CNTN5: variants seen among roughly 807,000 people sequenced by gnomAD.
CNTN5 encodes contactin-5.
In CNTN5, 77 loss-of-function variants were observed where a neutral mutation model predicts 129.1. That is an observed-to-expected ratio of 0.60 (90% CI 0.50 to 0.72). The LOEUF is 0.72. CNTN5 is among the 30% of genes least tolerant of loss of function. The probability of loss-of-function intolerance (pLI) is 0.00; values close to 1 mark genes in which losing one functional copy is unlikely to be tolerated. For missense variants in CNTN5, 1,478 were observed against 1,328.8 expected (o/e 1.11, Z -1.75); for synonymous variants, 509 against 465.6 (o/e 1.09, Z -1.20).
chr11:99,858,161 A>T (rs1948098295), intron 6 of CNTN5, among the ~76,000 whole-genome samples: 1 of 152,246 alleles, frequency 6.6e-6, no homozygotes, highest in Middle Eastern at 3.4e-3. Flanking sequence ...GAATTTAGAG[A>T]ATTGTCTTTC....
intron 9 of CNTN5, among the ~76,000 whole-genome samples, chr11:100,053,874 G>GATTAAAA (rs1362953214): frequency 2.6e-5 from 4 of 151,696 alleles, no homozygotes; most frequent in Admixed American, 1.3e-4. Context: ...ACTCCTCGGC[G>GATTAAAA]ATTAAAAGGA....
chr11:99,093,250 G>A (rs1591178807), intron 1 of CNTN5, among the ~76,000 whole-genome samples: 1 of 152,094 alleles, frequency 6.6e-6, no homozygotes, highest in South Asian at 2.1e-4. Context: ...GTTTAATTTA[G>A]TTGTAATAGA....
chr11:99,421,721 G>C (rs1565568416), intron 2 of CNTN5, among the ~76,000 whole-genome samples: 2 of 152,048 alleles, frequency 1.3e-5, no homozygotes, highest in South Asian at 2.1e-4. Flanking sequence ...TATTTTCTTA[G>C]TCCAGTTAAG....
intron 1 of CNTN5, among the ~76,000 whole-genome samples, chr11:99,140,460 C>CTTTTATTTTATTTTATTTTA (rs142985840): frequency 2.0e-5 from 3 of 149,992 alleles, no homozygotes; most frequent in African/African-American, 7.3e-5. Context: ...ATTTGGATGC[C>CTTTTATTTTATTTTATTTTA]TTTTATTTTA....
chr11:99,338,932 A>ATATATATATGTG (rs1555115014), intron 2 of CNTN5, among the ~76,000 whole-genome samples: 2 of 142,950 alleles, frequency 1.4e-5, no homozygotes, highest in African/African-American at 5.0e-5. Context: ...ATATATATAT[A>ATATATATATGTG]TATATATATA....
intron 3 of CNTN5, among the ~76,000 whole-genome samples, chr11:99,711,102 G>C (rs985759838): frequency 6.6e-6 from 1 of 151,816 alleles, no homozygotes; most frequent in African/African-American, 2.4e-5. Context: ...TTTCCCGACA[G>C]AATCGTTTCA....
At chr11:99,954,328 C>G (rs770410171) in intron 7 of CNTN5, among the ~76,000 whole-genome samples, 1 of 149,684 alleles carries the variant, frequency 6.7e-6, no homozygotes, top group Non-Finnish European at 1.5e-5. Context: ...ACTTCTAAAA[C>G]ATTTTAGTTG....
At chr11:99,739,901 G>A (rs1943835518) in intron 3 of CNTN5, among the ~76,000 whole-genome samples, 2 of 152,232 alleles carry the variant, frequency 1.3e-5, no homozygotes, top group African/African-American at 2.4e-5. Context: ...GACTAGGTGT[G>A]TTAAATATGA....
chr11:99,981,095 TATATATATACAC>T (rs200546336), intron 8 of CNTN5, among the ~76,000 whole-genome samples: 3,191 of 87,448 alleles, frequency 0.036, 145 homozygotes, highest in African/African-American at 0.12. Flanking sequence ...TATATATATA[TATATATATACAC>T]ACACACACAC....
At chr11:99,932,285 C>T (rs1030605185) in intron 7 of CNTN5, among the ~76,000 whole-genome samples, 4 of 152,040 alleles carry the variant, frequency 2.6e-5, no homozygotes, top group Non-Finnish European at 5.9e-5. Flanking sequence ...CTTCGCCTCC[C>T]GGGTTCCAGC....
At chr11:99,549,284 C>G (rs1398754414) in intron 2 of CNTN5, among the ~76,000 whole-genome samples, 1 of 151,816 alleles carries the variant, frequency 6.6e-6, no homozygotes, top group Non-Finnish European at 1.5e-5. Flanking sequence ...CTATTTATTC[C>G]CATAGTTTAG....
intron 2 of CNTN5, among the ~76,000 whole-genome samples, chr11:99,383,010 C>T (rs1356690985): frequency 2.6e-5 from 4 of 151,442 alleles, no homozygotes; most frequent in East Asian, 2.0e-4. Context: ...CCGTCCACCA[C>T]GACGGCCAGC....
intron 1 of CNTN5, among the ~76,000 whole-genome samples, chr11:99,293,030 G>A (rs1296127590): frequency 6.6e-6 from 1 of 152,076 alleles, no homozygotes. Context: ...CATAAACAAG[G>A]GTTTTCACCA....
At chr11:99,413,527 GAGA>G (rs1396315720) in intron 2 of CNTN5, among the ~76,000 whole-genome samples, 1 of 152,128 alleles carries the variant, frequency 6.6e-6, no homozygotes, top group African/African-American at 2.4e-5. Flanking sequence ...GCTGACGCAT[GAGA>G]ATTGCTTGAA....
Position 100,340,692 on chromosome 11 carries a change from A to ACAT in CNTN5, c.2917+45_2917+47dup, listed in dbSNP as rs770831822. The ACAT allele has an allele frequency of 3.3e-6, 5 of 1,503,710 alleles. No homozygotes were observed. In the South Asian group the frequency reaches 6.6e-5, roughly 20 times the overall value. 93.1% of individuals were successfully genotyped at this position (1,503,710 alleles called of 1,614,324 possible). ...TTTGTTTGTTTCAGACAAAGGGGAA[A>ACAT]CATCGTATAACATTTCTCAAAGCCA... is the stretch of plus-strand genomic sequence containing the variant. On this transcript the variant is annotated intron_variant, in intron 22 of 24. Transcript: ENST00000524871.
At chr11:100,182,904 TA>T (rs11424357) in intron 13 of CNTN5, among the ~76,000 whole-genome samples, 1,982 of 148,658 alleles carry the variant, frequency 0.013, 35 homozygotes, top group African/African-American at 0.045. Flanking sequence ...TTATACACTG[TA>T]AAAAAAAAAC....
intron 9 of CNTN5, among the ~76,000 whole-genome samples, chr11:100,032,460 G>A (rs1223031174): frequency 6.6e-6 from 1 of 151,976 alleles, no homozygotes; most frequent in East Asian, 1.9e-4. Context: ...GAGACAAAAA[G>A]TGGTATCTTC....
At chr11:99,579,161 G>C (rs1449837530) in intron 3 of CNTN5, among the ~76,000 whole-genome samples, 1 of 152,112 alleles carries the variant, frequency 6.6e-6, no homozygotes, top group Non-Finnish European at 1.5e-5. Flanking sequence ...CATTATTTCT[G>C]AGGGCTCTGT....
intron 2 of CNTN5, among the ~76,000 whole-genome samples, chr11:99,479,920 G>T (rs1186696657): frequency 6.6e-6 from 1 of 150,692 alleles, no homozygotes; most frequent in South Asian, 2.1e-4. Flanking sequence ...TATCAGAACT[G>T]GATAAAGACC....
Sources: allele counts gnomAD v4.1 joint callset (sites outside exome capture counted in the v4.1 genomes callset), GRCh38; gene constraint gnomAD v4.1.1; transcripts MANE v1.5; gene names NCBI Gene and HGNC (gene_info 2026-07-23, HGNC 2026-07-21).